The following GABRB2 variants were observed in gnomAD, a reference collection of about 807,000 sequenced individuals.
GABRB2 encodes gamma-aminobutyric acid type A receptor subunit beta2, also known as gamma-aminobutyric acid receptor subunit beta-2.
A neutral mutation model predicts 54.7 loss-of-function variants in GABRB2; 16 were observed. The observed-to-expected ratio is 0.29, with a 90% CI of 0.20 to 0.44. The LOEUF is 0.44. Ranked by LOEUF, GABRB2 falls within the 20% of genes least tolerant of loss-of-function variation. GABRB2 has a pLI of 1.00. For missense variants in GABRB2, 355 were observed against 644.0 expected (o/e 0.55, Z 4.86); for synonymous variants, 244 against 233.8 (o/e 1.04, Z -0.40).
chr5:161,401,545 C>T (rs1187834713), intron 5 of GABRB2, among the ~76,000 whole-genome samples: 1 of 152,068 alleles, frequency 6.6e-6, no homozygotes, highest in Non-Finnish European at 1.5e-5. Context: ...CCCTGCACTG[C>T]TATAAGATCT....
At chr5:161,404,343 T>C (rs185315407) in intron 5 of GABRB2, among the ~76,000 whole-genome samples, 42 of 152,258 alleles carry the variant, frequency 2.8e-4, no homozygotes, top group African/African-American at 1.0e-3. Flanking sequence ...ATTTGCAGTG[T>C]GCTTTGCTTT....
intron 9 of GABRB2, among the ~76,000 whole-genome samples, chr5:161,312,934 T>G (rs566475898): frequency 1.8e-4 from 27 of 152,286 alleles, no homozygotes; most frequent in African/African-American, 5.8e-4. Context: ...AACACTAGCT[T>G]CTGAAAGACA....
At chr5:161,350,121 G>C (rs547539639) in intron 5 of GABRB2, among the ~76,000 whole-genome samples, 1 of 152,188 alleles carries the variant, frequency 6.6e-6, no homozygotes, top group East Asian at 1.9e-4. Context: ...ATGGAGAAAA[G>C]TTTAAAGCTT....
intron 9 of GABRB2, among the ~76,000 whole-genome samples, chr5:161,317,235 C>A (rs1015964402): frequency 6.6e-6 from 1 of 152,060 alleles, no homozygotes; most frequent in Non-Finnish European, 1.5e-5. Context: ...TGATGGATAA[C>A]CCAAAAGCCC....
chr5:161,409,008 AT>A (rs529168897), intron 5 of GABRB2, among the ~76,000 whole-genome samples: 2 of 152,236 alleles, frequency 1.3e-5, no homozygotes, highest in African/African-American at 4.8e-5. Context: ...TATATTATTA[AT>A]ATAACACCAT....
At chr5:161,465,338 A>G (rs1455084608) in intron 3 of GABRB2, among the ~76,000 whole-genome samples, 1 of 152,158 alleles carries the variant, frequency 6.6e-6, no homozygotes, top group East Asian at 1.9e-4. Flanking sequence ...ACAGGCTGAC[A>G]AGGCCACCAT....
chr5:161,299,471 A>T (rs1757473801), intron 9 of GABRB2, among the ~76,000 whole-genome samples: 1 of 152,198 alleles, frequency 6.6e-6, no homozygotes, highest in Non-Finnish European at 1.5e-5. Context: ...AGATGGTTCA[A>T]CTGTAAGAGG....
intron 7 of GABRB2, among the ~76,000 whole-genome samples, chr5:161,332,709 T>C (rs1753887547): frequency 6.6e-6 from 1 of 152,284 alleles, no homozygotes; most frequent in African/African-American, 2.4e-5. Context: ...TTAAACACTA[T>C]CCAATAACGC....
At chr5:161,380,526 G>A (rs1241336880) in intron 5 of GABRB2, among the ~76,000 whole-genome samples, 3 of 152,150 alleles carry the variant, frequency 2.0e-5, no homozygotes, top group Admixed American at 6.6e-5. Context: ...GGCATTGAGA[G>A]TTGAGCTGCA....
intron 3 of GABRB2, among the ~76,000 whole-genome samples, chr5:161,498,196 G>T (rs1759316179): frequency 6.6e-6 from 1 of 152,064 alleles, no homozygotes; most frequent in Admixed American, 6.6e-5. Flanking sequence ...GACTGACATG[G>T]ATGTCTTAAA....
intron 3 of GABRB2, among the ~76,000 whole-genome samples, chr5:161,508,397 T>A (rs1759671226): frequency 6.6e-6 from 1 of 150,382 alleles, no homozygotes; most frequent in Admixed American, 6.7e-5. Flanking sequence ...ATAGCAATGT[T>A]GTCCCAATTT....
chr5:161,420,571 C>T (rs1408689705), intron 4 of GABRB2, among the ~76,000 whole-genome samples: 6 of 152,160 alleles, frequency 3.9e-5, no homozygotes, highest in East Asian at 1.9e-4. Context: ...CTCTGCAAAA[C>T]GTGTGGCCAG....
At position 161,432,287 on chromosome 5, in the gene GABRB2, C is replaced by T. The variant is rs141993859; in HGVS notation, c.459-21230G>A. On this transcript the variant is annotated intron_variant, in intron 4 of 9. Transcript: ENST00000393959. ...GTATCAGCAGTCCAAGGGCAGAATC[C>T]TAACAAGGTTTTGAATGAATTAGTC... Among the ~76,000 whole-genome samples, 61 of 152,300 alleles carry T rather than the reference C, an allele frequency of 4.0e-4. 2 individuals carry two copies. In the East Asian group the frequency reaches 0.01, roughly 25 times the overall value.
intron 3 of GABRB2, among the ~76,000 whole-genome samples, chr5:161,473,756 C>T (rs1041777329): frequency 6.6e-6 from 1 of 151,940 alleles, no homozygotes; most frequent in Admixed American, 6.6e-5. Context: ...CCAACAAGCT[C>T]TCCAGCCATG....
intron 5 of GABRB2, among the ~76,000 whole-genome samples, chr5:161,378,093 G>T (rs1345548207): frequency 6.6e-6 from 1 of 151,964 alleles, no homozygotes; most frequent in Non-Finnish European, 1.5e-5. Context: ...CTATTTAGTT[G>T]GGGTTGAGAA....
At chr5:161,480,946 A>G (rs1236550958) in intron 3 of GABRB2, among the ~76,000 whole-genome samples, 1 of 152,088 alleles carries the variant, frequency 6.6e-6, no homozygotes, top group African/African-American at 2.4e-5. Flanking sequence ...AAAGGGTCAT[A>G]GATTTGGGAT....
At position 161,341,958 on chromosome 5, in the gene GABRB2, TATATATATATAC is replaced by T. The variant is rs1490705130; in HGVS notation, c.542-5201_542-5190del. ...TCTTTTATATATATATATATATATATATATATATATACATACTTTATTATTATTTTTTCTAGT... is the reference window on the plus strand; with the variant it reads ...TCTTTTATATATATATATATATATATATACTTTATTATTATTTTTTCTAGT... On this transcript the variant is annotated intron_variant, in intron 5 of 9. Coordinates refer to ENST00000393959, the MANE Select transcript of GABRB2 (RefSeq NM_001371727.1). Among the ~76,000 whole-genome samples, 467 of 79,354 alleles carry T rather than the reference TATATATATATAC, an allele frequency of 5.9e-3. 8 individuals are homozygous for T. The highest frequency in any genetic ancestry group is 0.057 in the East Asian group (150 of 2,648). The allele number at this position is 79,354 out of a possible 152,430, so 52.1% of individuals were successfully genotyped here.
chr5:161,298,820 C>A (rs1283437151), intron 9 of GABRB2, among the ~76,000 whole-genome samples: 1 of 152,212 alleles, frequency 6.6e-6, no homozygotes, highest in African/African-American at 2.4e-5. Context: ...TACATATTGA[C>A]CTCTTTCAGT....
At chr5:161,445,923 A>C (rs1757602975) in intron 4 of GABRB2, among the ~76,000 whole-genome samples, 1 of 152,170 alleles carries the variant, frequency 6.6e-6, no homozygotes, top group South Asian at 2.1e-4. Context: ...CTGATAACTC[A>C]TATGTGGTGC....
Sources: allele counts gnomAD v4.1 joint callset (sites outside exome capture counted in the v4.1 genomes callset), GRCh38; gene constraint gnomAD v4.1.1; transcripts MANE v1.5; gene names NCBI Gene and HGNC (gene_info 2026-07-23, HGNC 2026-07-21).